ANO6: variants seen among roughly 807,000 people sequenced by gnomAD.
ANO6 encodes the protein anoctamin-6.
In ANO6, 106 loss-of-function variants were observed where a neutral mutation model predicts 117.5. The ratio of observed to expected loss-of-function variants is 0.90; its 90% CI spans 0.77 to 1.06. ANO6 has a LOEUF of 1.06. Among genes scored for constraint, ANO6 ranks in the 50% least tolerant of loss-of-function variants. The pLI is 0.00. For missense variants in ANO6, 955 were observed against 1,121.1 expected, an observed-to-expected ratio of 0.85 and a Z score of 2.12; for synonymous variants, 367 against 385.1, an observed-to-expected ratio of 0.95 and a Z score of 0.55.
At chr12:45,266,789 C>T (rs1938229908) in intron 1 of ANO6, among the ~76,000 whole-genome samples, 1 of 144,784 alleles carries the variant, frequency 6.9e-6, no homozygotes, top group African/African-American at 2.6e-5. Context: ...AGAACAAGAC[C>T]CTGTCTCAAA....
At chr12:45,321,711 A>G (rs1032604986) in intron 2 of ANO6, among the ~76,000 whole-genome samples, 1 of 152,130 alleles carries the variant, frequency 6.6e-6, no homozygotes, top group African/African-American at 2.4e-5. Flanking sequence ...TGTGTCAGTC[A>G]TCTGTCAAGT....
Position 45,344,100 on chromosome 12 carries a change from A to G in ANO6, c.280-2922A>G, listed in dbSNP as rs117148457. Among the ~76,000 whole-genome samples the G allele has an allele frequency of 8.5e-5, 13 of 152,304 alleles. No individual in the cohort carries two copies. In the East Asian group the frequency reaches 2.5e-3, roughly 29 times the overall value. The stretch of plus-strand genomic sequence containing the variant: ...TGTCCATAAAGAATGACAGATGTCC[A>G]TTACAGTGCCAGAAAGCACATGAAT... On this transcript the variant is annotated intron_variant, in intron 3 of 19. Coordinates refer to ENST00000320560, the MANE Select transcript of ANO6 (RefSeq NM_001025356.3).
At chr12:45,413,957 T>C (rs1943151841) in intron 16 of ANO6, among the ~76,000 whole-genome samples, 1 of 152,134 alleles carries the variant, frequency 6.6e-6, no homozygotes, top group Admixed American at 6.5e-5. Flanking sequence ...GGGGGACTGT[T>C]TGACCATGTC....
At chr12:45,309,922 G>C (rs17095721) in intron 2 of ANO6, among the ~76,000 whole-genome samples, 2,639 of 152,154 alleles carry the variant, frequency 0.017, 56 homozygotes, top group East Asian at 0.085. Context: ...TTGGCAAAAG[G>C]ACTCTGAAAA....
chr12:45,379,601 C>T (rs888357319), intron 10 of ANO6, among the ~76,000 whole-genome samples: 3 of 152,198 alleles, frequency 2.0e-5, no homozygotes, highest in Non-Finnish European at 4.4e-5. Flanking sequence ...GTACTCTCAG[C>T]GTTGAATCAT....
At chr12:45,352,142 A>G (rs1206778712) in intron 7 of ANO6, among the ~76,000 whole-genome samples, 2 of 152,122 alleles carry the variant, frequency 1.3e-5, no homozygotes, top group African/African-American at 4.8e-5. Flanking sequence ...TGAGAAAACT[A>G]CTAGACCTTA....
At chr12:45,317,297 G>A (rs1445729913) in intron 2 of ANO6, among the ~76,000 whole-genome samples, 3 of 73,486 alleles carry the variant, frequency 4.1e-5, no homozygotes, top group African/African-American at 1.0e-4. Flanking sequence ...ACAGGCCCCC[G>A]TGTGTGATGT....
At chr12:45,355,699 G>A (rs545081592) in intron 7 of ANO6, among the ~76,000 whole-genome samples, 11 of 152,212 alleles carry the variant, frequency 7.2e-5, no homozygotes, top group Non-Finnish European at 1.5e-4. Flanking sequence ...CCCATCTCCC[G>A]ATTCCACCCT....
At chr12:45,320,053 CA>C (rs1309318582) in intron 2 of ANO6, among the ~76,000 whole-genome samples, 1 of 152,056 alleles carries the variant, frequency 6.6e-6, no homozygotes, top group Non-Finnish European at 1.5e-5. Context: ...TTTTGTTGAT[CA>C]TTTCAAAAAA....
At chr12:45,350,840 G>A in intron 7 of ANO6, 66 bp downstream of exon 7, 1 of 1,297,772 alleles carries the variant, frequency 7.7e-7, no homozygotes, top group Non-Finnish European at 1.1e-6. Flanking sequence ...GCATCTGAAT[G>A]TGACAGTACT....
intron 10 of ANO6, among the ~76,000 whole-genome samples, chr12:45,386,045 G>T (rs142234954): frequency 6.3e-4 from 96 of 152,184 alleles, no homozygotes; most frequent in Non-Finnish European, 1.1e-3. Context: ...CCCTGACTGC[G>T]TATTAAACCT....
At chr12:45,393,912 C>T (rs937361012) in intron 12 of ANO6, among the ~76,000 whole-genome samples, 7 of 152,128 alleles carry the variant, frequency 4.6e-5, no homozygotes, top group East Asian at 3.9e-4. Flanking sequence ...TAAAGACCGT[C>T]GATCCTATGA....
At position 45,378,058 on chromosome 12, in the gene ANO6, G is replaced by GT. The variant is rs769819911; in HGVS notation, c.1111dup (p.Cys371LeufsTer34). The GT allele has an allele frequency of 6.2e-7, 1 of 1,611,326 alleles. No individual in the cohort carries two copies. The highest frequency in any genetic ancestry group is 1.1e-5 in the South Asian group (1 of 91,014). On this transcript the variant is annotated frameshift_variant, in exon 10 of 20. Transcript: ENST00000320560. LOFTEE classifies it high-confidence loss of function. ...ATGTCATTTATATTTTCCAGAAATT[G>GT]TGCATCTTCGACAGTTTTGGAACCC...
intron 2 of ANO6, among the ~76,000 whole-genome samples, chr12:45,319,347 G>C (rs11504502): frequency 0.98 from 149,946 of 152,278 alleles, 73,879 homozygotes; most frequent in Middle Eastern, 1. Context: ...TTTTGTCGAA[G>C]GCCTTTTCTG....
intron 2 of ANO6, among the ~76,000 whole-genome samples, chr12:45,305,483 A>C (rs1347245724): frequency 1.3e-5 from 2 of 152,194 alleles, no homozygotes; most frequent in Non-Finnish European, 2.9e-5. Context: ...TTACTTTGAA[A>C]GCAGTTAGTT....
At chr12:45,359,860 G>A (rs1941509075) in intron 8 of ANO6, among the ~76,000 whole-genome samples, 1 of 152,168 alleles carries the variant, frequency 6.6e-6, no homozygotes, top group South Asian at 2.1e-4. Context: ...TTGAGGAACT[G>A]TCATAGTATT....
At chr12:45,305,738 C>T (rs1401160538) in intron 2 of ANO6, among the ~76,000 whole-genome samples, 2 of 152,100 alleles carry the variant, frequency 1.3e-5, no homozygotes, top group African/African-American at 4.8e-5. Context: ...GGGGAGGCGT[C>T]CACATGGTGA....
chr12:45,279,193 A>G (rs1938645082), intron 1 of ANO6, among the ~76,000 whole-genome samples: 1 of 152,198 alleles, frequency 6.6e-6, no homozygotes, highest in African/African-American at 2.4e-5. Flanking sequence ...CCAACTCCTC[A>G]ATAAACAGAC....
chr12:45,327,152 T>C (rs888056022), intron 2 of ANO6, among the ~76,000 whole-genome samples: 3 of 151,996 alleles, frequency 2.0e-5, no homozygotes, highest in African/African-American at 4.8e-5. Flanking sequence ...AAGTGAAAGA[T>C]AGTAATAAGC....
Sources: allele counts gnomAD v4.1 joint callset (sites outside exome capture counted in the v4.1 genomes callset), GRCh38; gene constraint gnomAD v4.1.1; transcripts MANE v1.5; gene names NCBI Gene and HGNC (gene_info 2026-07-23, HGNC 2026-07-21).